APPBP2: variants seen among roughly 807,000 people sequenced by gnomAD.
The protein encoded by APPBP2 is amyloid beta precursor protein binding protein 2, also known as amyloid protein-binding protein 2.
In APPBP2, 15 loss-of-function variants were observed where a neutral mutation model predicts 76.0. The observed-to-expected ratio is 0.20, with a 90% CI of 0.13 to 0.30. The LOEUF is 0.30. Among genes scored for constraint, APPBP2 ranks in the 10% least tolerant of loss-of-function variants. The pLI is 1.00. For missense variants in APPBP2, 401 were observed against 687.2 expected, an observed-to-expected ratio of 0.58 and a Z score of 4.66; for synonymous variants, 222 against 242.2, an observed-to-expected ratio of 0.92 and a Z score of 0.77.
Position 60,514,846 on chromosome 17 carries a change from C to G in APPBP2, c.138+10948G>C, listed in dbSNP as rs562043782. Among the ~76,000 whole-genome samples the G allele has an allele frequency of 7.9e-5, 12 of 152,256 alleles. No homozygotes were observed. The East Asian group carries it at 2.1e-3, about 27-fold the overall frequency. On this transcript the variant is annotated intron_variant, in intron 1 of 12. Transcript: ENST00000083182. ...TGAGGCAGGGTCTCACTCTGTCGCC[C>G]AGGCTGGGGTGCAGCAGTGCAATCT...
At position 60,500,159 on chromosome 17, in the gene APPBP2, T is replaced by C. The variant is rs540784005; in HGVS notation, c.227+240A>G. Among the ~76,000 whole-genome samples, 327 of 152,076 alleles carry C rather than the reference T, an allele frequency of 2.2e-3. 1 individual carries two copies. The highest frequency in any genetic ancestry group is 7.0e-3 in the African/African-American group (290 of 41,494). On this transcript the variant is annotated intron_variant, in intron 2 of 12. Transcript: ENST00000083182. ...CCCAAGTAGCTGGGACTAAGGCGCC[T>C]ACCACCACGCCCAGCTAATTTTTTG...
intron 1 of APPBP2, among the ~76,000 whole-genome samples, chr17:60,519,219 TC>T (rs2090988779): frequency 6.6e-6 from 1 of 152,138 alleles, no homozygotes; most frequent in Non-Finnish European, 1.5e-5. Context: ...TGCCTTGGTC[TC>T]CCAAAGTGCT....
intron 12 of APPBP2, among the ~76,000 whole-genome samples, chr17:60,450,395 G>A (rs1006209067): frequency 6.7e-6 from 1 of 149,116 alleles, no homozygotes; most frequent in Non-Finnish European, 1.5e-5. Flanking sequence ...CCGAGATCGC[G>A]CCACTGCACT....
intron 1 of APPBP2, 118 bp downstream of exon 1, chr17:60,525,676 C>T: frequency 6.8e-7 from 1 of 1,479,080 alleles, no homozygotes; most frequent in South Asian, 1.3e-5. Flanking sequence ...CCAGACGTTT[C>T]GGGAGGCAAG....
At chr17:60,500,013 T>C (rs1001669315) in intron 2 of APPBP2, among the ~76,000 whole-genome samples, 4 of 113,246 alleles carry the variant, frequency 3.5e-5, no homozygotes, top group Admixed American at 3.2e-4. Context: ...GTGAATATAC[T>C]TTTTTTTTTT....
intron 1 of APPBP2, among the ~76,000 whole-genome samples, chr17:60,507,254 T>C (rs1003565798): frequency 6.6e-6 from 1 of 151,784 alleles, no homozygotes; most frequent in Non-Finnish European, 1.5e-5. Flanking sequence ...CAGAGTCTCA[T>C]TCCATCACCC....
At chr17:60,492,015 C>G (rs530036980) in intron 3 of APPBP2, among the ~76,000 whole-genome samples, 1 of 152,188 alleles carries the variant, frequency 6.6e-6, no homozygotes, top group Non-Finnish European at 1.5e-5. Flanking sequence ...CCAGGGCCCC[C>G]CTGCTGTGTG....
At chr17:60,520,921 T>A (rs1302752434) in intron 1 of APPBP2, among the ~76,000 whole-genome samples, 2 of 152,180 alleles carry the variant, frequency 1.3e-5, no homozygotes, top group African/African-American at 2.4e-5. Context: ...TCACTCTGTA[T>A]AGAGTTCTAG....
chr17:60,512,921 C>T (rs1382763929), intron 1 of APPBP2, among the ~76,000 whole-genome samples: 2 of 137,938 alleles, frequency 1.4e-5, no homozygotes, highest in African/African-American at 2.7e-5. Context: ...AGAAATAAGT[C>T]TGAAAGTCTT....
chr17:60,504,571 G>A (rs933801930), intron 1 of APPBP2, among the ~76,000 whole-genome samples: 2 of 152,166 alleles, frequency 1.3e-5, no homozygotes, highest in African/African-American at 4.8e-5. Context: ...AAAGCTACCT[G>A]CTAACATTGC....
At chr17:60,512,044 T>C (rs559530144) in intron 1 of APPBP2, among the ~76,000 whole-genome samples, 10 of 152,212 alleles carry the variant, frequency 6.6e-5, no homozygotes, top group African/African-American at 2.2e-4. Flanking sequence ...CTTCTACATT[T>C]ATTGAAGACT....
intron 9 of APPBP2, 47 bp downstream of exon 9, chr17:60,460,616 A>C: frequency 1.3e-6 from 2 of 1,575,326 alleles, no homozygotes; most frequent in South Asian, 2.3e-5. Context: ...ACAAAATAAA[A>C]CAAAAACAGT....
At chr17:60,504,330 A>G (rs1437408151) in intron 1 of APPBP2, among the ~76,000 whole-genome samples, 1 of 152,218 alleles carries the variant, frequency 6.6e-6, no homozygotes, top group Non-Finnish European at 1.5e-5. Context: ...TTATGAAGAT[A>G]GATCAACCAA....
intron 4 of APPBP2, among the ~76,000 whole-genome samples, chr17:60,478,010 A>C (rs762789307): frequency 1.3e-4 from 19 of 151,876 alleles, no homozygotes; most frequent in Admixed American, 3.3e-4. Context: ...TTAAAAAAAA[A>C]CCCAAAACAA....
chr17:60,443,653 A>G lies in APPBP2; in HGVS notation c.*3928T>C, dbSNP rs551183499. On this transcript the variant is annotated 3_prime_UTR_variant, in exon 13 of 13. Transcript: ENST00000083182. ...TAATGTTACACAAACGGTACCTGCA[A>G]TGGTTATTTAGTGATCCAACACTTA... is the stretch of plus-strand genomic sequence containing the variant. 2 of 152,734 alleles carry G rather than the reference A, an allele frequency of 1.3e-5. No individual in the cohort carries two copies. The highest frequency in any genetic ancestry group is 4.8e-5 in the African/African-American group (2 of 41,572). 9.5% of individuals were successfully genotyped at this position (152,734 alleles called of 1,614,324 possible). A position where few individuals can be genotyped will look rare whatever the true frequency, so the allele number is the denominator to read the frequency against.
intron 3 of APPBP2, among the ~76,000 whole-genome samples, chr17:60,481,956 C>T (rs2090633675): frequency 6.6e-6 from 1 of 152,202 alleles, no homozygotes; most frequent in African/African-American, 2.4e-5. Context: ...GATCTCGGCT[C>T]ACCGCAACCT....
chr17:60,481,374 T>C (rs972926856), intron 3 of APPBP2, among the ~76,000 whole-genome samples: 2 of 152,294 alleles, frequency 1.3e-5, no homozygotes, highest in Non-Finnish European at 2.9e-5. Flanking sequence ...AAGGATCCCT[T>C]GAGGCCAAGA....
At chr17:60,463,475 T>C (rs560403615) in intron 6 of APPBP2, among the ~76,000 whole-genome samples, 177 of 152,322 alleles carry the variant, frequency 1.2e-3, no homozygotes, top group Non-Finnish European at 2.0e-3. Flanking sequence ...ACCCTGTCTC[T>C]ATTTAAAATA....
intron 1 of APPBP2, among the ~76,000 whole-genome samples, chr17:60,509,566 G>T (rs1347897403): frequency 6.6e-6 from 1 of 152,124 alleles, no homozygotes; most frequent in Admixed American, 6.6e-5. Context: ...ACCTTAGGAG[G>T]CCTAGGCAGG....
Sources: allele counts gnomAD v4.1 joint callset (sites outside exome capture counted in the v4.1 genomes callset), GRCh38; gene constraint gnomAD v4.1.1; transcripts MANE v1.5; gene names NCBI Gene and HGNC (gene_info 2026-07-23, HGNC 2026-07-21).